The following ZCCHC14 variants were observed in gnomAD, a reference collection of about 807,000 sequenced individuals.
The protein encoded by ZCCHC14 is zinc finger CCHC-type containing 14, also known as zinc finger CCHC domain-containing protein 14.
ZCCHC14 carries 16 observed loss-of-function variants against 85.0 expected under a neutral mutation model. The observed-to-expected ratio is 0.19, with a 90% confidence interval of 0.13 to 0.29. The LOEUF (loss-of-function observed/expected upper bound fraction) is 0.29, where lower values mean the gene tolerates loss of function less well. Among genes scored for constraint, ZCCHC14 ranks in the 10% least tolerant of loss-of-function variants. The pLI is 1.00. For missense variants in ZCCHC14, 1,303 were observed against 1,443.5 expected, an observed-to-expected ratio of 0.90 and a Z score of 1.58; for synonymous variants, 775 against 630.7, an observed-to-expected ratio of 1.23 and a Z score of -3.43.
At chr16:87,426,379 G>A (rs1380621906) in intron 3 of ZCCHC14, among the ~76,000 whole-genome samples, 3 of 152,194 alleles carry the variant, frequency 2.0e-5, no homozygotes, top group Admixed American at 1.3e-4. Flanking sequence ...AAAAAGTGTT[G>A]CCAATTAGAT....
chr16:87,452,287 C>G (rs989525018), intron 2 of ZCCHC14, among the ~76,000 whole-genome samples: 1 of 152,194 alleles, frequency 6.6e-6, no homozygotes. Context: ...AATGTGGGAA[C>G]CATGTTGAGG....
At chr16:87,459,340 C>T (rs1911139389) in intron 2 of ZCCHC14, among the ~76,000 whole-genome samples, 1 of 151,660 alleles carries the variant, frequency 6.6e-6, no homozygotes, top group African/African-American at 2.4e-5. Context: ...AAAACTTATT[C>T]CTCCCACCCT....
At chr16:87,423,740 C>T in intron 4 of ZCCHC14, 70 bp downstream of exon 4, 1 of 1,561,044 alleles carries the variant, frequency 6.4e-7, no homozygotes, top group Non-Finnish European at 8.8e-7. Context: ...TCTGAAATTA[C>T]TCCGTGGTAT....
At chr16:87,488,331 T>A (rs907369008) in intron 1 of ZCCHC14, among the ~76,000 whole-genome samples, 2 of 152,206 alleles carry the variant, frequency 1.3e-5, no homozygotes, top group African/African-American at 4.8e-5. Context: ...AACAGGCGAC[T>A]GCAGGAGCAG....
At chr16:87,463,896 C>T (rs568142478) in intron 1 of ZCCHC14, among the ~76,000 whole-genome samples, 17 of 152,264 alleles carry the variant, frequency 1.1e-4, no homozygotes, top group South Asian at 8.3e-4. Context: ...CATAACTCAC[C>T]GCAGCCTCGA....
chr16:87,444,048 AAAAAAAAAAAAG>A (rs1268766832), intron 2 of ZCCHC14, among the ~76,000 whole-genome samples: 1 of 151,448 alleles, frequency 6.6e-6, no homozygotes, highest in Admixed American at 6.6e-5. Context: ...GAAAAAAAAA[AAAAAAAAAAAAG>A]AAAGAAAGAA....
chr16:87,417,991 T>C, intron 7 of ZCCHC14: 1 of 505,240 alleles, frequency 2.0e-6, no homozygotes, highest in Non-Finnish European at 3.5e-6. Flanking sequence ...GCTGTGCATA[T>C]ACACACACAT....
At chr16:87,428,970 C>T (rs142561191) in intron 3 of ZCCHC14, among the ~76,000 whole-genome samples, 15 of 152,338 alleles carry the variant, frequency 9.8e-5, no homozygotes, top group African/African-American at 2.2e-4. Flanking sequence ...CGGGTGTCTT[C>T]GTTGTTGACA....
At chr16:87,460,583 G>A (rs559595745) in intron 1 of ZCCHC14, among the ~76,000 whole-genome samples, 13 of 152,134 alleles carry the variant, frequency 8.5e-5, no homozygotes, top group African/African-American at 1.9e-4. Flanking sequence ...CCAGCTACTC[G>A]GGAGGCTGAC....
In ZCCHC14 at chr16:87,411,546, T is replaced by C; in HGVS notation, c.3175A>G (p.Lys1059Glu). Residue 1059 changes from lysine (K) to glutamate (E), a missense_variant, in exon 12 of 13, where the codon AAA becomes GAA. By Grantham distance (56) the Lys-to-Glu change is moderately conservative. Around this residue, in one of 7 missense-constraint regions of ZCCHC14, gnomAD observed 797 missense variants for 730.8 expected, o/e 1.09. Coordinates refer to ENST00000671377, the MANE Select transcript of ZCCHC14 (RefSeq NM_015144.3). ...CGGTTGAAGTCCATGGACGGCTGTT[T>C]GCAGTCCTGGGCGCGGTGACCAGTG... ...GATGHRAQDC[K>E]QPSMDFNRPG... The C allele has an allele frequency of 6.2e-7, 1 of 1,613,674 alleles. No homozygotes were observed. The highest frequency in any genetic ancestry group is 8.5e-7 in the Non-Finnish European group (1 of 1,180,014).
intron 4 of ZCCHC14, among the ~76,000 whole-genome samples, chr16:87,422,025 T>A (rs1909125595): frequency 1.3e-5 from 2 of 152,116 alleles, no homozygotes; most frequent in Non-Finnish European, 2.9e-5. Flanking sequence ...TGGGACCTAG[T>A]GACAGGGACT....
rs932337753 is a variant in ZCCHC14, at chr16:87,408,675, G to A, written c.*1605C>T. 8.5e-5 allele frequency: 13 copies of A among 152,352 alleles called. No individual in the cohort carries two copies. The highest frequency in any genetic ancestry group is 1.8e-4 in the Non-Finnish European group (12 of 68,030). The allele number at this position is 152,352 out of a possible 1,614,324, so 9.4% of individuals were successfully genotyped here. ...AACTAAAAAATTCTACTAAAAGCCT[G>A]TCATAAAAAAAATGTAACAACTTTC... On this transcript the variant is annotated 3_prime_UTR_variant, in exon 13 of 13. Coordinates refer to ENST00000671377, the MANE Select transcript of ZCCHC14 (RefSeq NM_015144.3).
At chr16:87,433,224 A>C (rs58102621) in intron 2 of ZCCHC14, 23 bp from the exon 3 acceptor site, 1 of 1,606,210 alleles carries the variant, frequency 6.2e-7, no homozygotes, top group East Asian at 2.2e-5. Flanking sequence ...AACAAAAAAC[A>C]AAAATGAAAT....
chr16:87,484,882 G>A (rs1027454674), intron 1 of ZCCHC14, among the ~76,000 whole-genome samples: 1 of 152,156 alleles, frequency 6.6e-6, no homozygotes, highest in African/African-American at 2.4e-5. Flanking sequence ...TTGGATTGAA[G>A]GAGGGAGATA....
chr16:87,491,102 C>A lies in ZCCHC14; in HGVS notation c.570+567G>T, dbSNP rs1477616217. Among the ~76,000 whole-genome samples the A allele has an allele frequency of 6.6e-6, 1 of 152,236 alleles. No individual in the cohort carries two copies. The highest frequency in any genetic ancestry group is 1.5e-5 in the Non-Finnish European group (1 of 68,036). On this transcript the variant is annotated intron_variant, in intron 1 of 12. Coordinates refer to ENST00000671377, the MANE Select transcript of ZCCHC14 (RefSeq NM_015144.3). The surrounding 1 kb of genome is among the most constrained non-coding windows in gnomAD (Gnocchi z 5.9). ...GCCGCAATGTGTGTTATCTGTCACCCAAGGGCCCCATTAAGGGGACAAAGG... is the reference window on the plus strand; with the variant it reads ...GCCGCAATGTGTGTTATCTGTCACCAAAGGGCCCCATTAAGGGGACAAAGG...
intron 2 of ZCCHC14, among the ~76,000 whole-genome samples, chr16:87,452,994 G>C (rs1342259439): frequency 6.6e-6 from 1 of 152,228 alleles, no homozygotes; most frequent in Non-Finnish European, 1.5e-5. Context: ...GCTGAATACA[G>C]AGGGGGACGC....
Position 87,491,765 on chromosome 16 carries a change from C to T in ZCCHC14, c.474G>A (p.Thr158=), listed in dbSNP as rs1477113989. 6.3e-7 allele frequency: 1 copy of T among 1,587,434 alleles called. No individual in the cohort carries two copies. The highest frequency in any genetic ancestry group is 8.5e-7 in the Non-Finnish European group (1 of 1,170,460). Residue 158 remains threonine, a synonymous_variant, in exon 1 of 13, where the codon ACG becomes ACA. Coordinates refer to ENST00000671377, the MANE Select transcript of ZCCHC14 (RefSeq NM_015144.3). The surrounding 1 kb of genome is among the most constrained non-coding windows in gnomAD (Gnocchi z 5.9). Reference sequence around the variant, plus strand: ...CGCCGTTCAGGCTGCTCTGGATCTGCGTGAGCTCCTGGCGCAGCACCTGCT... The same window carrying T: ...CGCCGTTCAGGCTGCTCTGGATCTGTGTGAGCTCCTGGCGCAGCACCTGCT... The part of the protein sequence containing the change: ...HQKQVLRQEL[T]QIQSSLNGGG...
chr16:87,413,649 C>T (rs191798894), intron 10 of ZCCHC14, among the ~76,000 whole-genome samples: 3 of 152,000 alleles, frequency 2.0e-5, no homozygotes, highest in Admixed American at 6.5e-5. Context: ...TGTGAGACAA[C>T]GGAGCAAGCG....
At chr16:87,423,920 A>G (rs56974220) in intron 3 of ZCCHC14, 39 bp from the exon 4 acceptor site, 84,856 of 1,605,984 alleles carry the variant, frequency 0.053, 2,579 homozygotes, top group Middle Eastern at 0.1. Context: ...AGAAACAGAC[A>G]CCACATACTT....
Sources: gnomAD v4.1 joint callset for allele counts (sites outside exome capture counted in the v4.1 genomes callset) on GRCh38, gnomAD v4.1.1 for gene constraint, gnomAD v4.1.1 regional missense constraint, Gnocchi (gnomAD v3.1) non-coding constraint, MANE v1.5 for transcripts, NCBI Gene and HGNC (gene_info 2026-07-23, HGNC 2026-07-21) for gene names.